Variants in PEX5 observed in about 807,000 individuals in gnomAD.
PEX5 encodes the protein PTS1 receptor.
PEX5 carries 52 observed loss-of-function variants against 82.9 expected under a neutral mutation model. That is an observed-to-expected ratio of 0.63 (90% CI 0.50 to 0.79). The LOEUF is 0.79. Among genes scored for constraint, PEX5 ranks in the 30% least tolerant of loss-of-function variants. The pLI is 0.00. For missense variants in PEX5, 719 were observed against 815.2 expected (o/e 0.88, Z 1.44); for synonymous variants, 300 against 318.8 (o/e 0.94, Z 0.63).
chr12:7,190,439 C>T lies in PEX5; in HGVS notation c.62C>T (p.Ala21Val), dbSNP rs1277303219. 3.1e-6 allele frequency: 5 copies of T among 1,614,098 alleles called. No individual in the cohort carries two copies. Among genetic ancestry groups the T allele is most frequent in the Non-Finnish European group, 3.4e-6 (4 of 1,180,050 alleles). The change falls in exon 2 of 16, where the codon GCC becomes GTC. Residue 21 changes from alanine to valine, a missense_variant. By Grantham distance (64) the Ala-to-Val change is moderately conservative. Transcript: ENST00000675855. ...CGGANPLMKLAGHFTQDKALR... is the reference protein window; with the variant it reads ...CGGANPLMKLVGHFTQDKALR... ...GGTGCCAACCCGCTCATGAAGCTCGCCGGGCACTTCACCCAGGACAAGGCC... is the reference window on the plus strand; with the variant it reads ...GGTGCCAACCCGCTCATGAAGCTCGTCGGGCACTTCACCCAGGACAAGGCC...
chr12:7,196,539 T>C (rs186088555), intron 5 of PEX5, among the ~76,000 whole-genome samples: 5,932 of 42,230 alleles, frequency 0.14, 1,128 homozygotes, highest in African/African-American at 0.24. Context: ...ATATGTCACA[T>C]ATAATGTAAT....
downstream of PEX5, among the ~76,000 whole-genome samples, chr12:7,214,682 A>C (rs926535326): frequency 6.6e-6 from 1 of 151,134 alleles, no homozygotes; most frequent in Non-Finnish European, 1.5e-5. Flanking sequence ...TAACCTGCAC[A>C]TTGTGCACAT....
downstream of PEX5, among the ~76,000 whole-genome samples, chr12:7,215,267 G>A (rs1945745558): frequency 1.3e-5 from 2 of 152,176 alleles, no homozygotes; most frequent in Admixed American, 6.5e-5. Context: ...TAGTGAGGTT[G>A]CAGAGAGAAG....
intron 5 of PEX5, among the ~76,000 whole-genome samples, chr12:7,193,510 G>A (rs1053971590): frequency 3.9e-5 from 6 of 152,116 alleles, no homozygotes; most frequent in Admixed American, 6.5e-5. Context: ...GATTACAAGC[G>A]TGAGCCACCG....
rs115338343 is a variant in PEX5, at chr12:7,209,754, G to T, written c.1632G>T (p.Ala544=). The T allele has an allele frequency of 1.5e-5, 23 of 1,571,002 alleles. No homozygotes were observed. Among genetic ancestry groups the T allele is most frequent in the Non-Finnish European group, 1.9e-5 (22 of 1,160,084 alleles). The change falls in exon 15 of 16, where the codon GCG becomes GCT. Residue 544 remains alanine, a synonymous_variant. Coordinates refer to ENST00000675855, the MANE Select transcript of PEX5 (RefSeq NM_001351132.2). The part of the protein sequence containing the change: ...NGNQSEEAVA[A]YRRALELQPG... Reference sequence around the variant, plus strand: ...ACCAGAGTGAAGAAGCAGTAGCTGCGTACCGCCGGGCCCTCGAGCTCCAGC... The same window carrying T: ...ACCAGAGTGAAGAAGCAGTAGCTGCTTACCGCCGGGCCCTCGAGCTCCAGC...
intron 6 of PEX5, among the ~76,000 whole-genome samples, chr12:7,200,179 G>A (rs1307849128): frequency 4.0e-5 from 6 of 149,760 alleles, no homozygotes; most frequent in Non-Finnish European, 5.9e-5. Flanking sequence ...CAGACGGGGC[G>A]GCCGGGCAGA....
Position 7,191,261 on chromosome 12 carries a change from C to T in PEX5, c.219C>T (p.Pro73=), listed in dbSNP as rs1189748534. The T allele has an allele frequency of 6.2e-7, 1 of 1,614,008 alleles. No individual in the cohort carries two copies. The highest frequency in any genetic ancestry group is 2.2e-5 in the East Asian group (1 of 44,890). ...VAEFLQDQNA[P]LVSRAPQTFK... ...AATTCCTGCAGGACCAGAATGCACC[C>T]CTTGTGTCCCGTGCCCCTCAGACCT... Residue 73 remains proline, a synonymous_variant, in exon 4 of 16, where the codon CCC becomes CCT. Transcript: ENST00000675855.
chr12:7,195,341 A>G (rs1262271360), intron 5 of PEX5, among the ~76,000 whole-genome samples: 1 of 152,148 alleles, frequency 6.6e-6, no homozygotes, highest in African/African-American at 2.4e-5. Flanking sequence ...ATGTATCCAC[A>G]TGGATCTGAT....
intron 5 of PEX5, among the ~76,000 whole-genome samples, chr12:7,196,265 ATAAT>A (rs1278393056): frequency 1.7e-5 from 1 of 58,000 alleles, no homozygotes; most frequent in East Asian, 4.3e-4. Flanking sequence ...TATATATGTC[ATAAT>A]TTATATATGT....
rs1437596871 is a variant in PEX5, at chr12:7,207,509, G to T, written c.967-150G>T. ...AAATGATTTTACTTGTGTCATACAT[G>T]ATCTTTATAATATGGAGAATTTGCC... On this transcript the variant is annotated intron_variant, in intron 10 of 15. Coordinates refer to ENST00000675855, the MANE Select transcript of PEX5 (RefSeq NM_001351132.2). 8 of 772,542 alleles carry T rather than the reference G, an allele frequency of 1.0e-5. No homozygotes were observed. The Admixed American group carries it at 1.5e-4, about 15-fold the overall frequency. 47.9% of individuals were successfully genotyped at this position (772,542 alleles called of 1,614,324 possible). A position where few individuals can be genotyped will look rare whatever the true frequency, so the allele number is the denominator to read the frequency against.
In PEX5 at chr12:7,199,136, G is replaced by A. The variant is rs12303709; in HGVS notation, c.551+23G>A. The A allele has an allele frequency of 0.012, 16,138 of 1,348,104 alleles. 1,383 individuals carry two copies. In the African/African-American group the frequency reaches 0.19, roughly 16 times the overall value. The allele number at this position is 1,348,104 out of a possible 1,614,324, so 83.5% of individuals were successfully genotyped here. ...CTGGTGAGTTCAGATACCTCTTTCCGAATCCCGTGAAAGGAGTATGGACAG... is the reference window on the plus strand; with the variant it reads ...CTGGTGAGTTCAGATACCTCTTTCCAAATCCCGTGAAAGGAGTATGGACAG... On this transcript the variant is annotated intron_variant, in intron 6 of 15. Coordinates refer to ENST00000675855, the MANE Select transcript of PEX5 (RefSeq NM_001351132.2).
In PEX5 at chr12:7,199,018, G is replaced by C. The variant is rs775490312; in HGVS notation, c.456G>C (p.Leu152Phe). The C allele has an allele frequency of 1.3e-6, 2 of 1,597,250 alleles. No homozygotes were observed. Among genetic ancestry groups the C allele is most frequent in the Non-Finnish European group, 1.7e-6 (2 of 1,168,226 alleles). ...CTTCTCTGCTCCTTGCAGACCCCTT[G>C]TCTGTGTCCCCTGCCCGCTGGGCTG... ...QEFISEVTDP[L>F]SVSPARWAEE... Residue 152 changes from leucine (L) to phenylalanine (F), a missense_variant, in exon 6 of 16, where the codon TTG becomes TTC. Transcript: ENST00000675855.
intron 5 of PEX5, among the ~76,000 whole-genome samples, chr12:7,197,706 A>G (rs1943017887): frequency 6.6e-6 from 1 of 152,006 alleles, no homozygotes; most frequent in Non-Finnish European, 1.5e-5. Context: ...AATGGAGTAG[A>G]AGTTTTTGTA....
Position 7,210,253 on chromosome 12 carries a change from A to T in PEX5, c.*30A>T. 6.3e-7 allele frequency: 1 copy of T among 1,597,724 alleles called. No individual in the cohort carries two copies. The highest frequency in any genetic ancestry group is 8.6e-7 in the Non-Finnish European group (1 of 1,166,010). On this transcript the variant is annotated 3_prime_UTR_variant, in exon 16 of 16. Coordinates refer to ENST00000675855, the MANE Select transcript of PEX5 (RefSeq NM_001351132.2). ...GGGACGGGCTGCCCTGTGAGTGTCC[A>T]CCTGGAGGGATCCCCGCTTTGGATG...
intron 5 of PEX5, among the ~76,000 whole-genome samples, chr12:7,198,405 C>T (rs1428193260): frequency 6.6e-6 from 1 of 151,384 alleles, no homozygotes; most frequent in African/African-American, 2.4e-5. Flanking sequence ...TATATGGTTT[C>T]ATATTTGTAT....
intron 5 of PEX5, among the ~76,000 whole-genome samples, chr12:7,196,577 A>T (rs1324986428): frequency 4.4e-5 from 1 of 22,700 alleles, no homozygotes; most frequent in Non-Finnish European, 1.1e-4. Flanking sequence ...ATAATGTAAT[A>T]ATTATATATG....
In PEX5 at chr12:7,210,048, C is replaced by T. The variant is rs764474422; in HGVS notation, c.1745C>T (p.Ala582Val). 1 of 1,614,214 alleles carries T rather than the reference C, an allele frequency of 6.2e-7. No individual in the cohort carries two copies. Among genetic ancestry groups the T allele is most frequent in the South Asian group, 1.1e-5 (1 of 91,086 alleles). ...HREAVEHFLE[A>V]LNMQRKSRGP... is the part of the protein sequence containing the mutation. ...GAGGCTGTGGAGCACTTTCTGGAGGCCCTGAACATGCAGAGGAAAAGCCGG... is the reference window on the plus strand; with the variant it reads ...GAGGCTGTGGAGCACTTTCTGGAGGTCCTGAACATGCAGAGGAAAAGCCGG... The change falls in exon 16 of 16, where the codon GCC (alanine) becomes GTC (valine). Residue 582 changes from alanine to valine, a missense_variant. Coordinates refer to ENST00000675855, the MANE Select transcript of PEX5 (RefSeq NM_001351132.2).
intron 5 of PEX5, among the ~76,000 whole-genome samples, chr12:7,193,158 A>C (rs1038862566): frequency 1.1e-4 from 16 of 152,212 alleles, no homozygotes; most frequent in Admixed American, 2.0e-4. Flanking sequence ...AGATTTGGAA[A>C]AGTTAAATAC....
intron 5 of PEX5, among the ~76,000 whole-genome samples, chr12:7,195,657 G>A (rs1941947805): frequency 6.9e-6 from 1 of 145,250 alleles, no homozygotes; most frequent in African/African-American, 2.5e-5. Context: ...ATAGGAATTT[G>A]AAATGTTTTC....
Sources: gnomAD v4.1 joint callset for allele counts (sites outside exome capture counted in the v4.1 genomes callset) on GRCh38, gnomAD v4.1.1 for gene constraint, MANE v1.5 for transcripts, NCBI Gene and HGNC (gene_info 2026-07-23, HGNC 2026-07-21) for gene names.